Variants in NUP88 observed in about 807,000 individuals in gnomAD.
NUP88 encodes the protein nucleoporin 88.
In NUP88, 57 loss-of-function variants were observed where a neutral mutation model predicts 93.9. The ratio of observed to expected loss-of-function variants is 0.61; its 90% CI spans 0.49 to 0.76. NUP88 has a LOEUF of 0.76. Among genes scored for constraint, NUP88 ranks in the 30% least tolerant of loss-of-function variants. NUP88 has a pLI of 0.00. For missense variants in NUP88, 911 were observed against 901.0 expected, an observed-to-expected ratio of 1.01 and a Z score of -0.14; for synonymous variants, 346 against 336.8, an observed-to-expected ratio of 1.03 and a Z score of -0.30.
intron 3 of NUP88, 115 bp downstream of exon 3, chr17:5,413,894 A>G (rs1163504425): frequency 9.0e-7 from 1 of 1,115,980 alleles, no homozygotes; most frequent in African/African-American, 1.6e-5. Context: ...CAGCCATCCA[A>G]TAAAAGCACT....
chr17:5,406,987 C>T (rs551167872), intron 5 of NUP88, among the ~76,000 whole-genome samples: 1 of 152,000 alleles, frequency 6.6e-6, no homozygotes, highest in Non-Finnish European at 1.5e-5. Flanking sequence ...TTTGGGCTAA[C>T]GTTACTAGGC....
intron 8 of NUP88, among the ~76,000 whole-genome samples, chr17:5,397,812 T>C (rs1221102396): frequency 6.6e-6 from 1 of 150,440 alleles, no homozygotes; most frequent in African/African-American, 2.4e-5. Context: ...CTATTAAGTT[T>C]GTTGAGTATT....
At chr17:5,405,976 A>G (rs944356775) in intron 5 of NUP88, among the ~76,000 whole-genome samples, 25 of 152,234 alleles carry the variant, frequency 1.6e-4, no homozygotes, top group Admixed American at 1.0e-3. Context: ...AAAGACTACC[A>G]AATCCTTTCT....
chr17:5,404,019 T>C, intron 7 of NUP88, 80 bp downstream of exon 7: 4 of 1,399,318 alleles, frequency 2.9e-6, no homozygotes, highest in Non-Finnish European at 2.9e-6. Context: ...ACAGAACAAA[T>C]ACATTACATA....
At chr17:5,400,555 G>T (rs1913097831) in intron 7 of NUP88, among the ~76,000 whole-genome samples, 2 of 149,908 alleles carry the variant, frequency 1.3e-5, no homozygotes, top group Admixed American at 1.3e-4. Flanking sequence ...TGAACACAAT[G>T]AGGTTCACCA....
At chr17:5,387,574 CTATTG>C (rs1912099669) in intron 13 of NUP88, 26 bp downstream of exon 13, 4 of 1,599,756 alleles carry the variant, frequency 2.5e-6, no homozygotes, top group Admixed American at 1.7e-5. Flanking sequence ...TCTTACTGAC[CTATTG>C]TATTCTTCTT....
At chr17:5,398,594 C>CT (rs892477455) in intron 8 of NUP88, among the ~76,000 whole-genome samples, 104 of 125,876 alleles carry the variant, frequency 8.3e-4, no homozygotes, top group East Asian at 1.4e-3. Flanking sequence ...CCTGGCCTAA[C>CT]TTTTTTTTTT....
rs150004698 is a variant in NUP88 at position 5,410,686 on chromosome 17, C to A, written c.680+17G>T. The A allele has an allele frequency of 2.4e-4, 359 of 1,485,228 alleles. 1 individual carries two copies. The African/African-American group carries it at 4.6e-3, about 19-fold the overall frequency. 92.0% of individuals were successfully genotyped at this position (1,485,228 alleles called of 1,614,324 possible). ...AGCTAATTAAAAAACCATTTCAAGACTCAAATAAAAACTTACCCTTTATTG... is the reference window on the plus strand; with the variant it reads ...AGCTAATTAAAAAACCATTTCAAGAATCAAATAAAAACTTACCCTTTATTG... On this transcript the variant is annotated intron_variant, in intron 4 of 16. Coordinates refer to ENST00000573584, the MANE Select transcript of NUP88 (RefSeq NM_002532.6).
At position 5,395,000 on chromosome 17, in the gene NUP88, C is replaced by T. The variant is rs1806240; in HGVS notation, c.1292-19G>A. 614,854 of 1,427,566 alleles carry T rather than the reference C, an allele frequency of 0.43. 141,031 individuals are homozygous for T. The highest frequency in any genetic ancestry group is 0.84 in the East Asian group (37,020 of 43,976). The allele number at this position is 1,427,566 out of a possible 1,614,324, so 88.4% of individuals were successfully genotyped here. A position where few individuals can be genotyped will look rare whatever the true frequency, so the allele number is the denominator to read the frequency against. ...TCTTCATCTACCATGGAAGACATTA[C>T]ATAAATGAAATGATGCTTAGACAAG... is the stretch of plus-strand genomic sequence containing the variant. On this transcript the variant is annotated intron_variant, in intron 8 of 16. Coordinates refer to ENST00000573584, the MANE Select transcript of NUP88 (RefSeq NM_002532.6).
Position 5,388,760 on chromosome 17 carries a change from A to T in NUP88, c.1643+42T>A. 1.9e-6 allele frequency: 3 copies of T among 1,571,124 alleles called. No individual in the cohort carries two copies. In the South Asian group the frequency reaches 3.4e-5, roughly 18 times the overall value. On this transcript the variant is annotated intron_variant, in intron 11 of 16. Coordinates refer to ENST00000573584, the MANE Select transcript of NUP88 (RefSeq NM_002532.6). ...GATGCACAGTAATTCTGAAGACAGA[A>T]GAGAACCCATTCATAAAACCGCTAT... is the stretch of plus-strand genomic sequence containing the variant.
intron 3 of NUP88, among the ~76,000 whole-genome samples, chr17:5,411,106 G>A (rs1913815911): frequency 6.6e-6 from 1 of 151,966 alleles, no homozygotes; most frequent in Admixed American, 6.6e-5. Flanking sequence ...TCTCACTATT[G>A]CCCCTAAGCT....
chr17:5,385,134 G>C lies in NUP88; in HGVS notation c.*1072C>G, dbSNP rs1911841182. 4.4e-6 allele frequency: 1 copy of C among 229,456 alleles called. No homozygotes were observed. Among genetic ancestry groups the C allele is most frequent in the African/African-American group, 2.2e-5 (1 of 45,156 alleles). 14.2% of individuals were successfully genotyped at this position (229,456 alleles called of 1,614,324 possible). On this transcript the variant is annotated 3_prime_UTR_variant, in exon 17 of 17. Coordinates refer to ENST00000573584, the MANE Select transcript of NUP88 (RefSeq NM_002532.6). ...CTACTGTGGCAAATGCCAACTGTTG[G>C]AATTCACTTTATTGTAGAAAAACCC... is the stretch of plus-strand genomic sequence containing the variant.
intron 2 of NUP88, 30 bp from the exon 3 acceptor site, chr17:5,414,164 AT>A: frequency 6.3e-7 from 1 of 1,599,930 alleles, no homozygotes; most frequent in Non-Finnish European, 8.5e-7. Context: ...TTTCCAAAAC[AT>A]TTTGTACAAC....
intron 6 of NUP88, among the ~76,000 whole-genome samples, chr17:5,404,790 C>A (rs1913396103): frequency 6.6e-6 from 1 of 152,118 alleles, no homozygotes. Context: ...GATTCCAAGG[C>A]TCTTTGTATC....
chr17:5,407,833 T>C (rs1913586555), intron 5 of NUP88, among the ~76,000 whole-genome samples: 1 of 152,214 alleles, frequency 6.6e-6, no homozygotes, highest in Non-Finnish European at 1.5e-5. Context: ...TGTGTTTCAT[T>C]TTTCCCTCTG....
At chr17:5,407,746 C>G (rs1913580775) in intron 5 of NUP88, among the ~76,000 whole-genome samples, 1 of 152,198 alleles carries the variant, frequency 6.6e-6, no homozygotes, top group Non-Finnish European at 1.5e-5. Context: ...CCTTTACTGA[C>G]CTGTTTCTGT....
chr17:5,414,592 C>G (rs1230407659), intron 2 of NUP88, among the ~76,000 whole-genome samples: 1 of 152,154 alleles, frequency 6.6e-6, no homozygotes, highest in Non-Finnish European at 1.5e-5. Flanking sequence ...TCTATTCAAT[C>G]AATATCAAAG....
chr17:5,393,095 G>A (rs924354515), intron 9 of NUP88, among the ~76,000 whole-genome samples: 2 of 149,966 alleles, frequency 1.3e-5, no homozygotes, highest in African/African-American at 2.5e-5. Context: ...TGGGATTACA[G>A]GTGCCCGCCA....
intron 9 of NUP88, 132 bp from the exon 10 acceptor site, chr17:5,391,794 C>T (rs1235748544): frequency 3.0e-6 from 2 of 665,964 alleles, no homozygotes; most frequent in Admixed American, 2.4e-5. Context: ...GTACCATAAC[C>T]TCAAAAGTGG....
Sources: allele counts gnomAD v4.1 joint callset (sites outside exome capture counted in the v4.1 genomes callset), GRCh38; gene constraint gnomAD v4.1.1; transcripts MANE v1.5; gene names NCBI Gene and HGNC (gene_info 2026-07-23, HGNC 2026-07-21).